DERPC: variants seen among roughly 807,000 people sequenced by gnomAD.
DERPC encodes the protein decreased expression in renal and prostate cancer protein.
DERPC carries 1 observed loss-of-function variant against 7.2 expected under a neutral mutation model. The observed-to-expected ratio is 0.14, with a 90% CI of 0.05 to 0.66. The LOEUF is 0.66. DERPC is among the 30% of genes least tolerant of loss of function. The pLI, the probability that DERPC is intolerant of heterozygous loss-of-function variation, is 0.84. For synonymous variants in DERPC, 185 were observed against 117.6 expected (o/e 1.57, Z -3.71); for missense variants, 502 against 299.4 (o/e 1.68, Z -4.99).
intron 1 of DERPC, among the ~76,000 whole-genome samples, chr16:69,130,778 G>A (rs1332853793): frequency 1.3e-5 from 2 of 152,190 alleles, no homozygotes; most frequent in East Asian, 3.8e-4. Flanking sequence ...ACTACACTGT[G>A]TTAGCATATT....
chr16:69,118,453 A>G lies in DERPC; in HGVS notation c.*401T>C, dbSNP rs1961335245. On this transcript the variant is annotated 3_prime_UTR_variant, in exon 3 of 3. Coordinates refer to ENST00000519520, the MANE Select transcript of DERPC (RefSeq NM_001002847.4). ...CCGTTCACCAACGCCACGTTTCTAG[A>G]GAGCAGTGAGCTGATTCTCCAATGG... The G allele has an allele frequency of 6.2e-7, 1 of 1,600,524 alleles. No individual in the cohort carries two copies.
chr16:69,123,609 G>A (rs1395623662), intron 1 of DERPC, among the ~76,000 whole-genome samples: 2 of 152,080 alleles, frequency 1.3e-5, no homozygotes, highest in Non-Finnish European at 2.9e-5. Context: ...GGTGAGCCAA[G>A]ATTGCTCCAC....
At chr16:69,128,345 A>G (rs1962239648) in intron 1 of DERPC, among the ~76,000 whole-genome samples, 2 of 152,216 alleles carry the variant, frequency 1.3e-5, no homozygotes, top group Non-Finnish European at 2.9e-5. Flanking sequence ...TAGCTTTTCA[A>G]AAAGATTTAA....
chr16:69,131,035 G>A (rs1432684498), intron 1 of DERPC, among the ~76,000 whole-genome samples: 3 of 152,124 alleles, frequency 2.0e-5, no homozygotes, highest in Non-Finnish European at 4.4e-5. Context: ...GTGTTATCGT[G>A]GTTTTGTAAC....
intron 1 of DERPC, among the ~76,000 whole-genome samples, chr16:69,124,110 GA>G (rs548522836): frequency 0.013 from 1,858 of 137,954 alleles, 15 homozygotes; most frequent in African/African-American, 0.026. Context: ...TCTCAAAGGG[GA>G]AAAAAAAAAA....
chr16:69,131,886 C>G (rs1004098289), intron 1 of DERPC, among the ~76,000 whole-genome samples: 1 of 151,940 alleles, frequency 6.6e-6, no homozygotes. Context: ...TCCAACCACC[C>G]TTCCAATTAC....
In DERPC at chr16:69,130,883, T is replaced by A. The variant is rs116143940; in HGVS notation, c.-280+1601A>T. ...CAGTAGAATTCAAACATGGCAGTTGTGGTTCACCAAACTGCTTCAGGGATT... is the reference window on the plus strand; with the variant it reads ...CAGTAGAATTCAAACATGGCAGTTGAGGTTCACCAAACTGCTTCAGGGATT... On this transcript the variant is annotated intron_variant, in intron 1 of 2. Transcript: ENST00000519520. Among the ~76,000 whole-genome samples the A allele has an allele frequency of 4.9e-3, 743 of 152,332 alleles. 3 individuals are homozygous for A. Among genetic ancestry groups the A allele is most frequent in the African/African-American group, 0.017 (724 of 41,586 alleles).
chr16:69,118,289 A>G lies in DERPC; in HGVS notation c.*565T>C. The G allele has an allele frequency of 9.7e-7, 1 of 1,032,134 alleles. No individual in the cohort carries two copies. The highest frequency in any genetic ancestry group is 1.5e-6 in the Non-Finnish European group (1 of 653,090). The allele number at this position is 1,032,134 out of a possible 1,614,324, so 63.9% of individuals were successfully genotyped here. On this transcript the variant is annotated 3_prime_UTR_variant, in exon 3 of 3. Transcript: ENST00000519520. ...AGGGAGCTGCAGGCCCAGTCAGTCA[A>G]GCAGAAACTGCATTCGGTGGGTCTT...
At chr16:69,122,037 C>A (rs887729540) in intron 1 of DERPC, among the ~76,000 whole-genome samples, 2 of 151,688 alleles carry the variant, frequency 1.3e-5, no homozygotes, top group African/African-American at 4.8e-5. Context: ...TCACCCGCCT[C>A]AGCCTCCCAA....
chr16:69,128,884 T>G (rs1207149446), intron 1 of DERPC, among the ~76,000 whole-genome samples: 1 of 151,882 alleles, frequency 6.6e-6, no homozygotes. Context: ...ACCAACATGG[T>G]GAAACCCAGT....
rs1405518120 is a variant in DERPC at position 69,120,761 on chromosome 16, TG to T, written c.-221-113del. ...ATGCTGGCACCTCCAATCCCTGGTC[TG>T]GCTCTGCCATTGTTGAGCAGCCACA... is the stretch of plus-strand genomic sequence containing the variant. On this transcript the variant is annotated intron_variant, in intron 2 of 2. Coordinates refer to ENST00000519520, the MANE Select transcript of DERPC (RefSeq NM_001002847.4). The surrounding 1 kb of genome is among the most constrained non-coding windows in gnomAD (Gnocchi z 4.0). 2.1e-6 allele frequency: 2 copies of T among 943,592 alleles called. No individual in the cohort carries two copies. The highest frequency in any genetic ancestry group is 1.6e-6 in the Non-Finnish European group (1 of 612,154). 58.5% of individuals were successfully genotyped at this position (943,592 alleles called of 1,614,324 possible).
Position 69,119,323 on chromosome 16 carries a change from G to T in DERPC, c.1106C>A (p.Ser369Tyr), listed in dbSNP as rs1961432812. Residue 369 changes from serine (S) to tyrosine (Y), a missense_variant, in exon 3 of 3, where the codon TCT becomes TAT. Ser to Tyr is a moderately radical substitution (Grantham distance 144, BLOSUM62 -2). Transcript: ENST00000519520. The part of the protein sequence containing the change: ...ANPFPRGAGS[S>Y]AFSQSSGTLA... ...TGTGCCAGAAGACTGAGAAAAGGCA[G>T]ATGAACCTGCTCCCCTGGGAAAGGG... 5.7e-6 allele frequency: 4 copies of T among 703,102 alleles called. No individual in the cohort carries two copies. Among genetic ancestry groups the T allele is most frequent in the Non-Finnish European group, 1.0e-5 (4 of 385,032 alleles). 43.6% of individuals were successfully genotyped at this position (703,102 alleles called of 1,614,324 possible).
intron 1 of DERPC, among the ~76,000 whole-genome samples, chr16:69,127,093 C>G (rs1199642206): frequency 1.3e-5 from 2 of 152,072 alleles, no homozygotes; most frequent in Non-Finnish European, 2.9e-5. Context: ...CAAAAATTAG[C>G]CGCGCGTGGT....
Position 69,120,157 on chromosome 16 carries a change from C to G in DERPC, c.272G>C (p.Arg91Pro), listed in dbSNP as rs200740384. The change falls in exon 3 of 3, where the codon CGT becomes CCT. Residue 91 changes from arginine (R) to proline (P), a missense_variant. By Grantham distance (103) the Arg-to-Pro change is moderately radical (BLOSUM62 -2). Transcript: ENST00000519520. This position sits in a 1 kb window ranked among gnomAD's most constrained non-coding sequence, Gnocchi z 4.0. The stretch of plus-strand genomic sequence containing the variant: ...TGGAAAAGAAGCCATACTTGGGTCA[C>G]GAGCACCAGCCGGGAAAGGTGCTGG... ...SNPAPFPAGA[R>P]DPSMASFPRG... The G allele has an allele frequency of 1.4e-6, 1 of 701,460 alleles. No individual in the cohort carries two copies. The highest frequency in any genetic ancestry group is 1.5e-5 in the South Asian group (1 of 67,510). The allele number at this position is 701,460 out of a possible 1,614,324, so 43.5% of individuals were successfully genotyped here.
At chr16:69,131,170 T>TC (rs1170206872) in intron 1 of DERPC, 1 of 152,128 alleles carries the variant, frequency 6.6e-6, no homozygotes, top group East Asian at 1.9e-4. Context: ...TATGGAGGGT[T>TC]GGTGGAATTG....
chr16:69,118,357 C>A lies in DERPC; in HGVS notation c.*497G>T. The stretch of plus-strand genomic sequence containing the variant: ...CATCTCCCTGTTCTGTGTTCAAGCC[C>A]CCAGGGAAAGGTATGGCAGTAGAGG... On this transcript the variant is annotated 3_prime_UTR_variant, in exon 3 of 3. Transcript: ENST00000519520. 6.3e-7 allele frequency: 1 copy of A among 1,594,850 alleles called. No individual in the cohort carries two copies. Among genetic ancestry groups the A allele is most frequent in the Non-Finnish European group, 8.6e-7 (1 of 1,162,584 alleles).
intron 1 of DERPC, among the ~76,000 whole-genome samples, chr16:69,130,735 T>A (rs936231102): frequency 6.6e-6 from 1 of 152,222 alleles, no homozygotes; most frequent in Admixed American, 6.5e-5. Flanking sequence ...AAGGTGGCAT[T>A]TTCTTAGTAT....
chr16:69,127,611 T>TC, intron 1 of DERPC, among the ~76,000 whole-genome samples: 1 of 146,638 alleles, frequency 6.8e-6, no homozygotes, highest in East Asian at 2.0e-4. Flanking sequence ...CTTTTTTTTT[T>TC]TTTTTTTTTT....
chr16:69,126,039 CA>C (rs1962036760), intron 1 of DERPC, among the ~76,000 whole-genome samples: 1 of 151,810 alleles, frequency 6.6e-6, no homozygotes, highest in African/African-American at 2.4e-5. Flanking sequence ...AGCCACGAAT[CA>C]AAAAAAGGCT....
Sources: gnomAD v4.1 joint callset for allele counts (sites outside exome capture counted in the v4.1 genomes callset) on GRCh38, gnomAD v4.1.1 for gene constraint, Gnocchi (gnomAD v3.1) non-coding constraint, MANE v1.5 for transcripts, NCBI Gene and HGNC (gene_info 2026-07-23, HGNC 2026-07-21) for gene names.